The following STOX2 variants were observed in gnomAD, a reference collection of about 807,000 sequenced individuals.
STOX2 encodes storkhead-box protein 2.
In STOX2, 28 loss-of-function variants were observed where a neutral mutation model predicts 60.9. The observed-to-expected ratio is 0.46, with a 90% CI of 0.34 to 0.63. STOX2 has a LOEUF of 0.63. Among genes scored for constraint, STOX2 ranks in the 30% least tolerant of loss-of-function variants. The pLI is 0.01. For synonymous variants in STOX2, 472 were observed against 463.9 expected (o/e 1.02, Z -0.22); for missense variants, 1,024 against 1,187.7 (o/e 0.86, Z 2.03).
At chr4:183,907,002 C>T (rs371844183) in intron 1 of STOX2, 46 bp downstream of exon 1, 3 of 1,465,360 alleles carry the variant, frequency 2.0e-6, no homozygotes, top group Non-Finnish European at 1.8e-6. Context: ...GGCCGCGGGA[C>T]GTGCTCGGTA....
chr4:184,007,740 T>C (rs1339468390), intron 2 of STOX2, among the ~76,000 whole-genome samples: 2 of 152,214 alleles, frequency 1.3e-5, no homozygotes, highest in Admixed American at 1.3e-4. Context: ...GTGAGGGCCC[T>C]GTCCTCGGCT....
In STOX2 at chr4:183,906,718, G is replaced by A. The variant is rs1741623649; in HGVS notation, c.-73G>A. ...GTCCGCCCGGGTCGTGCCCGCCGTA[G>A]ACGGATGAAGGAGCGCGCTGCGCCC... On this transcript the variant is annotated 5_prime_UTR_variant, in exon 1 of 4. It removes the in-frame stop codon of an upstream open reading frame in the 5' UTR. Transcript: ENST00000308497. The A allele has an allele frequency of 7.1e-7, 1 of 1,411,370 alleles. No homozygotes were observed. Among genetic ancestry groups the A allele is most frequent in the Non-Finnish European group, 9.4e-7 (1 of 1,068,084 alleles). 87.4% of individuals were successfully genotyped at this position (1,411,370 alleles called of 1,614,324 possible).
At chr4:183,946,263 A>T (rs753498790) in intron 1 of STOX2, among the ~76,000 whole-genome samples, 10 of 152,198 alleles carry the variant, frequency 6.6e-5, no homozygotes, top group Non-Finnish European at 1.3e-4. Context: ...ACTTCAGGCA[A>T]ATTACATGCC....
chr4:183,807,954 G>A (rs1738946914), intron 1 of STOX2, among the ~76,000 whole-genome samples: 1 of 152,232 alleles, frequency 6.6e-6, no homozygotes, highest in South Asian at 2.1e-4. Context: ...TGCGGGGCGG[G>A]CTGAGCTCTC....
chr4:183,848,572 TA>T (rs1740038338), intron 1 of STOX2, among the ~76,000 whole-genome samples: 1 of 151,958 alleles, frequency 6.6e-6, no homozygotes, highest in Non-Finnish European at 1.5e-5. Context: ...CAGGGTTCTG[TA>T]AGCCAGGAAG....
intron 1 of STOX2, among the ~76,000 whole-genome samples, chr4:183,951,108 C>A (rs571241490): frequency 6.7e-6 from 1 of 149,800 alleles, no homozygotes; most frequent in South Asian, 2.2e-4. Flanking sequence ...CCCAGCTACT[C>A]GGGAGGCTGA....
chr4:184,013,322 G>A lies in STOX2; in HGVS notation c.2585+1899G>A, dbSNP rs79305609. Among the ~76,000 whole-genome samples the A allele has an allele frequency of 8.3e-3, 1,260 of 152,250 alleles. 17 individuals carry two copies. Among genetic ancestry groups the A allele is most frequent in the African/African-American group, 0.029 (1,198 of 41,532 alleles). On this transcript the variant is annotated intron_variant, in intron 3 of 3. Transcript: ENST00000308497. ...AATATATTTTACTATCTCTAAACTT[G>A]GGGTGCAGAATATAGAATTTATGAC...
At chr4:183,860,807 TG>T (rs1405923782) in intron 1 of STOX2, among the ~76,000 whole-genome samples, 3 of 152,098 alleles carry the variant, frequency 2.0e-5, no homozygotes, top group Admixed American at 6.5e-5. Flanking sequence ...TGAAAAACAC[TG>T]GGGGAATCTC....
Position 184,010,001 on chromosome 4 carries a change from A to G in STOX2, c.1163A>G (p.His388Arg), listed in dbSNP as rs149711656. Reference protein sequence around the residue: ...VSKGDPSDGSHLDIPAEREYD... With the variant: ...VSKGDPSDGSRLDIPAEREYD... ...AAAGGAGACCCTTCCGACGGTTCAC[A>G]TCTGGATATCCCAGCTGAAAGAGAG... Residue 388 changes from histidine to arginine, a missense_variant, in exon 3 of 4, where the codon CAT becomes CGT. Physicochemically the swap from His to Arg is conservative, Grantham distance 29 (BLOSUM62 0). Around this residue, in one of 3 missense-constraint regions of STOX2, gnomAD observed 922 missense variants for 1,058.3 expected, o/e 0.87. Transcript: ENST00000308497. The surrounding 1 kb of genome is among the most constrained non-coding windows in gnomAD (Gnocchi z 4.5). 720 of 1,613,984 alleles carry G rather than the reference A, an allele frequency of 4.5e-4. 7 individuals carry two copies. In the African/African-American group the frequency reaches 7.6e-3, roughly 17 times the overall value.
intron 1 of STOX2, among the ~76,000 whole-genome samples, chr4:183,970,139 C>CGTGTGTGTGTGT (rs3042606): frequency 0.01 from 1,310 of 126,938 alleles, 36 homozygotes; most frequent in African/African-American, 0.031. Flanking sequence ...ACTACATGTA[C>CGTGTGTGTGTGT]GTGTGTGTGT....
intron 3 of STOX2, among the ~76,000 whole-genome samples, chr4:184,016,745 A>G (rs1021403874): frequency 6.6e-6 from 1 of 152,216 alleles, no homozygotes; most frequent in Non-Finnish European, 1.5e-5. Context: ...AGGTGTATTT[A>G]TGAGTATCTG....
chr4:183,875,279 C>A (rs1401149811), intron 1 of STOX2, among the ~76,000 whole-genome samples: 1 of 152,152 alleles, frequency 6.6e-6, no homozygotes, highest in Non-Finnish European at 1.5e-5. Flanking sequence ...TTCTTTCTCT[C>A]CCTTCCCTCC....
At chr4:183,950,644 A>T (rs1488044025) in intron 1 of STOX2, among the ~76,000 whole-genome samples, 1 of 150,736 alleles carries the variant, frequency 6.6e-6, no homozygotes, top group Non-Finnish European at 1.5e-5. Flanking sequence ...AATGACATGG[A>T]GCAGGATGGT....
chr4:183,887,482 G>A (rs921038193), intron 1 of STOX2, among the ~76,000 whole-genome samples: 1 of 152,168 alleles, frequency 6.6e-6, no homozygotes, highest in African/African-American at 2.4e-5. Context: ...TGAGCTACTG[G>A]AGGCCTTTCC....
At chr4:183,948,918 T>C (rs547697673) in intron 1 of STOX2, among the ~76,000 whole-genome samples, 51 of 152,336 alleles carry the variant, frequency 3.3e-4, no homozygotes, top group African/African-American at 1.0e-3. Flanking sequence ...GTATTGTCTC[T>C]GATACTTAGA....
chr4:183,834,300 A>G (rs1204394190), intron 1 of STOX2, among the ~76,000 whole-genome samples: 1 of 152,092 alleles, frequency 6.6e-6, no homozygotes, highest in Non-Finnish European at 1.5e-5. Flanking sequence ...ACCGTTTTGG[A>G]TCTCTGAAGT....
chr4:183,998,501 T>G (rs1288649345), intron 1 of STOX2, among the ~76,000 whole-genome samples: 3 of 152,194 alleles, frequency 2.0e-5, no homozygotes, highest in Non-Finnish European at 4.4e-5. Context: ...CCACCTCTGC[T>G]GCAGCTTGCA....
intron 1 of STOX2, among the ~76,000 whole-genome samples, chr4:183,924,579 G>A (rs2111106172): frequency 6.6e-6 from 1 of 152,320 alleles, no homozygotes; most frequent in South Asian, 2.1e-4. Flanking sequence ...CTGAGGAGCT[G>A]TCGGGTTATT....
chr4:183,970,139 C>CGTACGTGTGT (rs1553983243), intron 1 of STOX2, among the ~76,000 whole-genome samples: 1 of 126,906 alleles, frequency 7.9e-6, no homozygotes, highest in African/African-American at 3.4e-5. Flanking sequence ...ACTACATGTA[C>CGTACGTGTGT]GTGTGTGTGT....
Sources: allele counts gnomAD v4.1 joint callset (sites outside exome capture counted in the v4.1 genomes callset), GRCh38; gene constraint gnomAD v4.1.1; regional missense constraint gnomAD v4.1.1; non-coding constraint Gnocchi (gnomAD v3.1); transcripts MANE v1.5; gene names NCBI Gene and HGNC (gene_info 2026-07-23, HGNC 2026-07-21).